Variants in CIMAP1D observed in about 807,000 individuals in gnomAD.
CIMAP1D encodes protein CIMAP1D.
chr19:474,591 T>C, the CIMAP1D span: 1 of 1,482,784 alleles, frequency 6.7e-7, no homozygotes, highest in Non-Finnish European at 9.1e-7. Flanking sequence ...CAGGAAAAGG[T>C]CCCACCCATC....
At chr19:476,665 T>C in the CIMAP1D span, among the ~76,000 whole-genome samples, 1 of 152,164 alleles carries the variant, frequency 6.6e-6, no homozygotes, top group Non-Finnish European at 1.5e-5. Flanking sequence ...TTTTGAAACT[T>C]ACAGAGCATA....
At chr19:488,328 C>T in the CIMAP1D span, among the ~76,000 whole-genome samples, 2 of 152,090 alleles carry the variant, frequency 1.3e-5, no homozygotes, top group Non-Finnish European at 1.5e-5. Context: ...CGAGACCATC[C>T]TGGCTAACAC....
At chr19:465,257 GTGGA>G in the CIMAP1D span, among the ~76,000 whole-genome samples, 27,807 of 134,914 alleles carry the variant, frequency 0.21, 3,122 homozygotes, top group Non-Finnish European at 0.26. Context: ...GGGTGGATGG[GTGGA>G]TGGATGGATG....
the CIMAP1D span, among the ~76,000 whole-genome samples, chr19:480,178 G>A: frequency 6.6e-6 from 1 of 152,264 alleles, no homozygotes; most frequent in African/African-American, 2.4e-5. Context: ...CCCTGGGGCA[G>A]GACCTGCCTG....
the CIMAP1D span, among the ~76,000 whole-genome samples, chr19:475,712 TG>T: frequency 6.6e-6 from 1 of 151,858 alleles, no homozygotes; most frequent in African/African-American, 2.4e-5. Context: ...AACTGCCAGA[TG>T]AGATGCACGT....
At chr19:488,959 G>A in the CIMAP1D span, among the ~76,000 whole-genome samples, 3 of 151,796 alleles carry the variant, frequency 2.0e-5, no homozygotes, top group Admixed American at 6.6e-5. Flanking sequence ...GGGCGTCCGC[G>A]CCGCCCGCCC....
the CIMAP1D span, among the ~76,000 whole-genome samples, chr19:488,166 C>CT: frequency 1.3e-5 from 2 of 152,074 alleles, no homozygotes; most frequent in African/African-American, 4.8e-5. Flanking sequence ...GCTTCCTTCT[C>CT]TAACTGGGTG....
chr19:481,721 G>A, the CIMAP1D span, among the ~76,000 whole-genome samples: 1 of 150,996 alleles, frequency 6.6e-6, no homozygotes, highest in Non-Finnish European at 1.5e-5. Context: ...CCAGAAAGTT[G>A]ATCACCCACA....
chr19:488,315 G>A, the CIMAP1D span, among the ~76,000 whole-genome samples: 4 of 152,122 alleles, frequency 2.6e-5, no homozygotes, highest in Admixed American at 6.6e-5. Flanking sequence ...GAGGTCAGGA[G>A]ATCGAGACCA....
At chr19:463,726 G>T in the CIMAP1D span, 1 of 1,421,956 alleles carries the variant, frequency 7.0e-7, no homozygotes, top group Non-Finnish European at 9.4e-7. Flanking sequence ...GACAGTTCAG[G>T]AAAGGGGAGG....
chr19:471,302 C>T, the CIMAP1D span, among the ~76,000 whole-genome samples: 1 of 152,048 alleles, frequency 6.6e-6, no homozygotes, highest in Admixed American at 6.6e-5. Context: ...GCGCCTGCAA[C>T]CACGCCCGGC....
chr19:466,674 A>G, the CIMAP1D span, among the ~76,000 whole-genome samples: 1 of 134,236 alleles, frequency 7.4e-6, no homozygotes, highest in Non-Finnish European at 1.6e-5. Flanking sequence ...GGGTGGATGG[A>G]TGAGTGGATG....
the CIMAP1D span, among the ~76,000 whole-genome samples, chr19:488,486 C>T: frequency 3.3e-5 from 5 of 152,358 alleles, no homozygotes; most frequent in African/African-American, 1.2e-4. Context: ...GGCGCCACTG[C>T]ACTCCAGCCT....
the CIMAP1D span, chr19:464,016 G>A: frequency 3.1e-6 from 5 of 1,607,610 alleles, no homozygotes; most frequent in Admixed American, 6.7e-5. Flanking sequence ...CTCCTCCAGG[G>A]GTCGCGGGGC....
At chr19:478,788 G>A in the CIMAP1D span, among the ~76,000 whole-genome samples, 5 of 152,282 alleles carry the variant, frequency 3.3e-5, no homozygotes, top group South Asian at 2.1e-4. Context: ...GGCGAGGGAC[G>A]TCACTGCCCG....
At chr19:471,659 G>A in the CIMAP1D span, among the ~76,000 whole-genome samples, 26 of 151,872 alleles carry the variant, frequency 1.7e-4, no homozygotes, top group African/African-American at 6.3e-4. Context: ...TCTCAAAAAG[G>A]CATCTAATCC....
chr19:477,751 C>T, the CIMAP1D span, among the ~76,000 whole-genome samples: 105 of 152,336 alleles, frequency 6.9e-4, no homozygotes, highest in African/African-American at 2.5e-3. Flanking sequence ...CGAGCTCCGC[C>T]TCCCGGGTTC....
At chr19:491,328 G>A in the CIMAP1D span, among the ~76,000 whole-genome samples, 64 of 152,244 alleles carry the variant, frequency 4.2e-4, no homozygotes, top group African/African-American at 1.4e-3. Context: ...TGGTGTTTGC[G>A]ACGTCGTGTA....
chr19:469,862 C>A, the CIMAP1D span, among the ~76,000 whole-genome samples: 1 of 152,060 alleles, frequency 6.6e-6, no homozygotes, highest in African/African-American at 2.4e-5. Flanking sequence ...CTACCCTGCA[C>A]CTGGAACCTT....
Sources: allele counts gnomAD v4.1 joint callset (sites outside exome capture counted in the v4.1 genomes callset), GRCh38; gene constraint gnomAD v4.1.1; transcripts MANE v1.5; gene names NCBI Gene and HGNC (gene_info 2026-07-23, HGNC 2026-07-21).